Variants in MROH1 observed in about 807,000 individuals in gnomAD.
MROH1 encodes maestro heat-like repeat-containing protein family member 1.
MROH1 carries 117 observed loss-of-function variants against 116.5 expected under a neutral mutation model. The observed-to-expected ratio is 1.00, with a 90% CI of 0.86 to 1.17. The LOEUF is 1.17. MROH1 is among the 50% of genes most tolerant of loss of function. The pLI is 0.00. For synonymous variants in MROH1, 921 were observed against 583.9 expected (o/e 1.58, Z -8.32); for missense variants, 1,873 against 1,338.5 (o/e 1.40, Z -6.23).
chr8:144,241,180 C>T, intron 21 of MROH1, 69 bp downstream of exon 21: 1 of 713,170 alleles, frequency 1.4e-6, no homozygotes, highest in Non-Finnish European at 2.6e-6. Context: ...CTGCTGTTCT[C>T]TGAGGCAGCT....
chr8:144,256,354 C>T (rs1843779902), intron 35 of MROH1, among the ~76,000 whole-genome samples: 1 of 152,010 alleles, frequency 6.6e-6, no homozygotes, highest in Admixed American at 6.5e-5. Flanking sequence ...TTTGGGTGTG[C>T]ACCTTGGCCA....
intron 3 of MROH1, among the ~76,000 whole-genome samples, chr8:144,164,909 C>T (rs2130899710): frequency 6.6e-6 from 1 of 152,318 alleles, no homozygotes; most frequent in South Asian, 2.1e-4. Flanking sequence ...TGTTTTCTGA[C>T]TCATAGATGG....
chr8:144,244,323 G>A lies in MROH1; in HGVS notation c.2657G>A (p.Gly886Glu). 1 of 720,210 alleles carries A rather than the reference G, an allele frequency of 1.4e-6. No homozygotes were observed. Among genetic ancestry groups the A allele is most frequent in the East Asian group, 2.7e-5 (1 of 37,392 alleles). 44.6% of individuals were successfully genotyped at this position (720,210 alleles called of 1,614,324 possible). A position where few individuals can be genotyped will look rare whatever the true frequency, so the allele number is the denominator to read the frequency against. The change falls in exon 27 of 44, where the codon GGA (glycine) becomes GAA (glutamate). Residue 886 changes from glycine (G) to glutamate (E), a missense_variant. Physicochemically the swap from Gly to Glu is moderately conservative, Grantham distance 98 (BLOSUM62 -2). Transcript: ENST00000326134. ...ALLPEPKEED[G>E]GCQKSLYLET... Reference sequence around the variant, plus strand: ...CTGCCTGAGCCCAAGGAGGAGGACGGAGGCTGCCAGAAGGTATCCCTGTGT... The same window carrying A: ...CTGCCTGAGCCCAAGGAGGAGGACGAAGGCTGCCAGAAGGTATCCCTGTGT...
At chr8:144,255,145 G>A (rs914150029) in intron 34 of MROH1, among the ~76,000 whole-genome samples, 167 bp downstream of exon 34, 18 of 152,356 alleles carry the variant, frequency 1.2e-4, no homozygotes, top group East Asian at 3.9e-4. Context: ...CCTCACAGGT[G>A]TGGGCCCCCA....
rs1182450784 is a variant in MROH1, at chr8:144,180,262, C to T, written c.385C>T (p.Leu129=). ...RQFISKVMEE[L]LRRLHPGTLP... is the part of the protein sequence containing the mutation. ...GTTCATCAGCAAGGTGATGGAGGAG[C>T]TGCTGCGCAGGCTGCACCCTGGGAC... Residue 129 remains leucine (L), a synonymous_variant, in exon 6 of 44, where the codon CTG becomes TTG. Transcript: ENST00000326134. The surrounding 1 kb of genome is among the most constrained non-coding windows in gnomAD (Gnocchi z 7.4). 6.2e-7 allele frequency: 1 copy of T among 1,612,028 alleles called. No individual in the cohort carries two copies. The highest frequency in any genetic ancestry group is 1.7e-5 in the Admixed American group (1 of 60,008).
intron 36 of MROH1, 45 bp from the exon 37 acceptor site, chr8:144,259,195 C>T (rs1042797402): frequency 1.3e-4 from 89 of 706,916 alleles, no homozygotes; most frequent in Non-Finnish European, 2.1e-4. Context: ...GGGTAGGGTT[C>T]AGCACAGCAA....
intron 7 of MROH1, among the ~76,000 whole-genome samples, chr8:144,190,510 A>T (rs2131578960): frequency 6.6e-6 from 1 of 152,270 alleles, no homozygotes. Context: ...ACACAGCAAG[A>T]CTGTGTCACA....
At chr8:144,219,650 A>T (rs1836278877) in intron 12 of MROH1, among the ~76,000 whole-genome samples, 1 of 152,236 alleles carries the variant, frequency 6.6e-6, no homozygotes, top group Non-Finnish European at 1.5e-5. Flanking sequence ...GTGACAGGGG[A>T]GTTCCCACAA....
At chr8:144,243,990 T>C in intron 26 of MROH1, 48 bp downstream of exon 26, 2 of 764,008 alleles carry the variant, frequency 2.6e-6, no homozygotes, top group South Asian at 1.4e-5. Flanking sequence ...CGTGTGTGCG[T>C]GCATGTGTGT....
chr8:144,223,861 C>T lies in MROH1; in HGVS notation c.1338+631C>T, dbSNP rs140349597. On this transcript the variant is annotated intron_variant, in intron 14 of 43. Coordinates refer to ENST00000326134, the MANE Select transcript of MROH1 (RefSeq NM_032450.3). ...AGGCCAGCTCAGAACAGACACGCCG[C>T]CCTCCTTGTGTTCTCGTGACCATCA... 5.4e-3 allele frequency among the ~76,000 whole-genome samples: 824 copies of T among 152,324 alleles called. 7 individuals carry two copies. Among genetic ancestry groups the T allele is most frequent in the African/African-American group, 0.019 (774 of 41,566 alleles).
Position 144,247,624 on chromosome 8 carries a change from G to T in MROH1, c.3065G>T (p.Gly1022Val). Residue 1022 changes from glycine to valine, a missense_variant, in exon 31 of 44, where the codon GGC (glycine) becomes GTC (valine). Gly to Val is a moderately radical substitution (Grantham distance 109). Transcript: ENST00000326134. ...GAGCGGCTCCTCAGCCTCAAGGACG[G>T]CCTCGTGCACCCTGACCCCGCCATT... ...VAERLLSLKD[G>V]LVHPDPAILF... 1 of 768,358 alleles carries T rather than the reference G, an allele frequency of 1.3e-6. No individual in the cohort carries two copies. The highest frequency in any genetic ancestry group is 2.4e-6 in the Non-Finnish European group (1 of 416,310). 47.6% of individuals were successfully genotyped at this position (768,358 alleles called of 1,614,324 possible). A position where few individuals can be genotyped will look rare whatever the true frequency, so the allele number is the denominator to read the frequency against.
intron 32 of MROH1, 71 bp from the exon 33 acceptor site, chr8:144,250,141 T>C: frequency 2.8e-6 from 2 of 723,430 alleles, no homozygotes; most frequent in South Asian, 2.9e-5. Flanking sequence ...CCCACCCCCT[T>C]GGGCTGGCGT....
intron 15 of MROH1, 24 bp downstream of exon 15, chr8:144,238,887 G>C: frequency 1.3e-6 from 1 of 770,996 alleles, no homozygotes; most frequent in Non-Finnish European, 2.4e-6. Flanking sequence ...ACCCGTCCCT[G>C]CCTGGCGACA....
At chr8:144,172,943 C>G (rs1356248451) in intron 4 of MROH1, among the ~76,000 whole-genome samples, 1 of 152,088 alleles carries the variant, frequency 6.6e-6, no homozygotes, top group Non-Finnish European at 1.5e-5. Flanking sequence ...CATAGTGGCA[C>G]AGAATAAACC....
intron 17 of MROH1, 53 bp downstream of exon 17, chr8:144,239,416 C>T: frequency 1.3e-6 from 1 of 780,332 alleles, no homozygotes; most frequent in Non-Finnish European, 2.4e-6. Flanking sequence ...TGTCCCTGTG[C>T]TCCACCCAGG....
At chr8:144,193,914 C>G (rs563830428) in intron 10 of MROH1, among the ~76,000 whole-genome samples, 8 of 151,846 alleles carry the variant, frequency 5.3e-5, no homozygotes, top group African/African-American at 1.9e-4. Context: ...CAGCCAAGAC[C>G]GTGCTTTTCA....
chr8:144,241,301 C>T, intron 21 of MROH1, 94 bp from the exon 22 acceptor site: 1 of 706,514 alleles, frequency 1.4e-6, no homozygotes, highest in South Asian at 1.5e-5. Context: ...CATGTGTGTA[C>T]ATGTGGGTGT....
chr8:144,152,318 A>C (rs887347633), intron 1 of MROH1, among the ~76,000 whole-genome samples: 3 of 152,212 alleles, frequency 2.0e-5, no homozygotes, highest in Admixed American at 6.5e-5. Context: ...TACTATGTTA[A>C]TATCAGGCAA....
intron 18 of MROH1, 103 bp downstream of exon 18, chr8:144,239,858 G>A (rs1290550821): frequency 4.3e-6 from 3 of 691,156 alleles, no homozygotes; most frequent in Non-Finnish European, 8.1e-6. Context: ...TGGCACTAGG[G>A]TGGCCAATGG....
Sources: gnomAD v4.1 joint callset for allele counts (sites outside exome capture counted in the v4.1 genomes callset) on GRCh38, gnomAD v4.1.1 for gene constraint, Gnocchi (gnomAD v3.1) non-coding constraint, MANE v1.5 for transcripts, NCBI Gene and HGNC (gene_info 2026-07-23, HGNC 2026-07-21) for gene names.